Variants in SCHIP1 observed in about 807,000 individuals in gnomAD.
SCHIP1 encodes the protein schwannomin interacting protein 1, also known as schwannomin-interacting protein 1.
SCHIP1 carries 8 observed loss-of-function variants against 29.7 expected under a neutral mutation model. The observed-to-expected ratio is 0.27, with a 90% CI of 0.16 to 0.49. The LOEUF is 0.49. SCHIP1 is among the 20% of genes least tolerant of loss of function. The pLI is 0.99. For missense variants in SCHIP1, 193 were observed against 294.6 expected (o/e 0.66, Z 2.52); for synonymous variants, 76 against 94.9 (o/e 0.80, Z 1.16).
the SCHIP1 span, among the ~76,000 whole-genome samples, chr3:159,305,164 G>A: frequency 1.3e-5 from 2 of 152,076 alleles, no homozygotes; most frequent in African/African-American, 2.4e-5. Context: ...TCACCTGCAT[G>A]CAGTCTCCAC....
the SCHIP1 span, among the ~76,000 whole-genome samples, chr3:159,637,991 G>A: frequency 6.6e-6 from 1 of 152,144 alleles, no homozygotes; most frequent in Admixed American, 6.6e-5. Flanking sequence ...CTTCAAAATT[G>A]TCTCTCCATA....
chr3:159,700,813 C>CA, the SCHIP1 span, among the ~76,000 whole-genome samples: 633 of 90,852 alleles, frequency 7.0e-3, 4 homozygotes, highest in South Asian at 0.02. Context: ...GAATCCAACT[C>CA]AAAAAAAAAA....
chr3:159,627,493 C>G, the SCHIP1 span, among the ~76,000 whole-genome samples: 139 of 152,286 alleles, frequency 9.1e-4, no homozygotes, highest in African/African-American at 2.3e-3. Context: ...TCCCATTTTA[C>G]AGATACACAA....
the SCHIP1 span, among the ~76,000 whole-genome samples, chr3:159,433,124 AG>A: frequency 6.6e-6 from 1 of 152,176 alleles, no homozygotes; most frequent in African/African-American, 2.4e-5. Flanking sequence ...TGTGTATGCA[AG>A]GGTAAGCACA....
the SCHIP1 span, among the ~76,000 whole-genome samples, chr3:159,651,563 A>C: frequency 5.9e-5 from 9 of 152,228 alleles, no homozygotes; most frequent in African/African-American, 2.2e-4. Flanking sequence ...CAATCACATT[A>C]AAATGCATTT....
At chr3:159,830,617 C>T in the SCHIP1 span, among the ~76,000 whole-genome samples, 1 of 151,736 alleles carries the variant, frequency 6.6e-6, no homozygotes, top group African/African-American at 2.4e-5. Context: ...TTTATTCTTC[C>T]CTTACTTTCT....
chr3:159,292,672 A>G, the SCHIP1 span, among the ~76,000 whole-genome samples: 1 of 152,214 alleles, frequency 6.6e-6, no homozygotes, highest in Non-Finnish European at 1.5e-5. Flanking sequence ...TGCTTGCAGC[A>G]ATGACTGGAA....
the SCHIP1 span, among the ~76,000 whole-genome samples, chr3:159,367,175 T>A: frequency 6.6e-6 from 1 of 152,088 alleles, no homozygotes. Flanking sequence ...GGCGGATCAC[T>A]TGAGGTCAAG....
chr3:159,893,346 T>C (rs1717731728), intron 6 of SCHIP1: 4 of 152,178 alleles, frequency 2.6e-5, no homozygotes, highest in African/African-American at 9.7e-5. Context: ...GCATCTGAAA[T>C]ATCACAATAA....
At chr3:159,769,844 TTGACATATGTA>T in the SCHIP1 span, among the ~76,000 whole-genome samples, 4 of 152,350 alleles carry the variant, frequency 2.6e-5, no homozygotes, top group South Asian at 8.3e-4. Context: ...TTGATGAGTT[TTGACATATGTA>T]TGGCATATGT....
chr3:159,596,322 G>A, the SCHIP1 span, among the ~76,000 whole-genome samples: 2 of 152,166 alleles, frequency 1.3e-5, no homozygotes, highest in African/African-American at 4.8e-5. Context: ...AGGATGTGGA[G>A]AAATAGGAAC....
At chr3:159,749,120 A>C in the SCHIP1 span, among the ~76,000 whole-genome samples, 7 of 152,092 alleles carry the variant, frequency 4.6e-5, no homozygotes, top group Non-Finnish European at 8.8e-5. Flanking sequence ...AAAAAAATAC[A>C]AAAAGTTAGC....
the SCHIP1 span, among the ~76,000 whole-genome samples, chr3:159,613,243 G>A: frequency 6.6e-6 from 1 of 152,154 alleles, no homozygotes; most frequent in African/African-American, 2.4e-5. Context: ...GAATCTATAT[G>A]AATAATTGAG....
the SCHIP1 span, among the ~76,000 whole-genome samples, chr3:159,293,670 A>C: frequency 6.6e-6 from 1 of 152,330 alleles, no homozygotes; most frequent in East Asian, 1.9e-4. Context: ...AGGAGACATA[A>C]GTCTTTCCTC....
At chr3:159,554,868 T>C in the SCHIP1 span, among the ~76,000 whole-genome samples, 1 of 152,080 alleles carries the variant, frequency 6.6e-6, no homozygotes, top group Non-Finnish European at 1.5e-5. Flanking sequence ...CAAATACTAC[T>C]AAGCCCACTT....
the SCHIP1 span, among the ~76,000 whole-genome samples, chr3:159,628,809 T>C: frequency 2.7e-4 from 41 of 152,266 alleles, no homozygotes; most frequent in African/African-American, 9.9e-4. Flanking sequence ...CCATAAAATC[T>C]GAAATATTAA....
At chr3:159,352,119 G>T in the SCHIP1 span, among the ~76,000 whole-genome samples, 1 of 152,134 alleles carries the variant, frequency 6.6e-6, no homozygotes, top group African/African-American at 2.4e-5. Context: ...GGTCATTATG[G>T]GACCTTGTGC....
At chr3:159,710,185 C>A in the SCHIP1 span, among the ~76,000 whole-genome samples, 1 of 152,212 alleles carries the variant, frequency 6.6e-6, no homozygotes, top group African/African-American at 2.4e-5. Context: ...ATAGAACCAA[C>A]CTAAGTGACC....
the SCHIP1 span, among the ~76,000 whole-genome samples, chr3:159,520,503 C>A: frequency 6.6e-6 from 1 of 152,170 alleles, no homozygotes; most frequent in South Asian, 2.1e-4. Flanking sequence ...GCAGATATGA[C>A]CATCTGCTTT....
Sources: gnomAD v4.1 joint callset for allele counts (sites outside exome capture counted in the v4.1 genomes callset) on GRCh38, gnomAD v4.1.1 for gene constraint, MANE v1.5 for transcripts, NCBI Gene and HGNC (gene_info 2026-07-23, HGNC 2026-07-21) for gene names.